ZBTB7C: variants seen among roughly 807,000 people sequenced by gnomAD.
The protein encoded by ZBTB7C is zinc finger and BTB domain containing 7C, also known as zinc finger and BTB domain-containing protein 7C.
A neutral mutation model predicts 25.7 loss-of-function variants in ZBTB7C; 8 were observed. The observed-to-expected ratio is 0.31, with a 90% CI of 0.18 to 0.56. The LOEUF (loss-of-function observed/expected upper bound fraction) is 0.56. ZBTB7C is among the 20% of genes least tolerant of loss of function. ZBTB7C has a pLI of 0.91. For synonymous variants in ZBTB7C, 394 were observed against 369.0 expected (o/e 1.07, Z -0.78); for missense variants, 824 against 855.2 (o/e 0.96, Z 0.46).
Position 48,209,232 on chromosome 18 carries a change from G to A in ZBTB7C, c.-78-23237C>T, listed in dbSNP as rs1319335447. Among the ~76,000 whole-genome samples the A allele has an allele frequency of 2.0e-5, 3 of 152,204 alleles. No individual in the cohort carries two copies. In the East Asian group the frequency reaches 5.8e-4, roughly 29 times the overall value. The stretch of plus-strand genomic sequence containing the variant: ...CAACCCTCAGGCTCCAAACGGAAAT[G>A]TGCAGGTCAAAGGAGTCCAAAGAGG... On this transcript the variant is annotated intron_variant, in intron 2 of 4. Coordinates refer to ENST00000590800, the MANE Select transcript of ZBTB7C (RefSeq NM_001318841.2).
At chr18:48,289,337 G>A (rs543782599) in intron 2 of ZBTB7C, among the ~76,000 whole-genome samples, 1 of 152,216 alleles carries the variant, frequency 6.6e-6, no homozygotes, top group South Asian at 2.1e-4. Context: ...TAACACAAAA[G>A]AATCAGACAC....
chr18:48,215,716 G>A (rs537561460), intron 2 of ZBTB7C, among the ~76,000 whole-genome samples: 166 of 152,280 alleles, frequency 1.1e-3, no homozygotes, highest in Middle Eastern at 6.8e-3. Flanking sequence ...CCTTTAAAAG[G>A]TGCTGGTCTC....
chr18:48,242,421 G>A (rs9946795), intron 2 of ZBTB7C, among the ~76,000 whole-genome samples: 13,192 of 152,154 alleles, frequency 0.087, 606 homozygotes, highest in South Asian at 0.12. Context: ...CAATATCTCA[G>A]ATTAATATAG....
intron 1 of ZBTB7C, among the ~76,000 whole-genome samples, chr18:48,386,438 TGA>T (rs372796833): frequency 0.29 from 43,732 of 152,054 alleles, 7,569 homozygotes; most frequent in East Asian, 0.72. Flanking sequence ...CCCTAGACAG[TGA>T]GTGGATGTCA....
At chr18:48,092,964 A>C (rs1336477666) in intron 3 of ZBTB7C, among the ~76,000 whole-genome samples, 3 of 152,216 alleles carry the variant, frequency 2.0e-5, no homozygotes, top group African/African-American at 7.2e-5. Flanking sequence ...CTAAACACTG[A>C]GGATGGAGGC....
intron 3 of ZBTB7C, among the ~76,000 whole-genome samples, chr18:48,171,493 C>G (rs1213227555): frequency 6.6e-6 from 1 of 152,240 alleles, no homozygotes; most frequent in South Asian, 2.1e-4. Context: ...ATCTCAGCAA[C>G]TATGCGGCTG....
rs182196301 is a variant in ZBTB7C, at chr18:48,086,594, C to T, written c.-16-45471G>A. Among the ~76,000 whole-genome samples the T allele has an allele frequency of 1.1e-3, 169 of 152,346 alleles. 1 individual carries two copies. The highest frequency in any genetic ancestry group is 3.8e-3 in the African/African-American group (156 of 41,578). On this transcript the variant is annotated intron_variant, in intron 3 of 4. Coordinates refer to ENST00000590800, the MANE Select transcript of ZBTB7C (RefSeq NM_001318841.2). ...CTCATCCACCACAATGGAACCCACA[C>T]TTCAGGGTTCTCAGTAAAGAGTACC...
chr18:48,071,746 A>T (rs1187082427), intron 3 of ZBTB7C, among the ~76,000 whole-genome samples: 1 of 152,272 alleles, frequency 6.6e-6, no homozygotes, highest in Non-Finnish European at 1.5e-5. Flanking sequence ...ACCGAAGTCC[A>T]TCAGTGGATG....
chr18:48,110,040 G>C (rs2039179013), intron 3 of ZBTB7C, among the ~76,000 whole-genome samples: 1 of 143,272 alleles, frequency 7.0e-6, no homozygotes, highest in African/African-American at 2.8e-5. Context: ...GGGAGTGGTA[G>C]AGACCCAGGA....
At chr18:48,030,536 T>C (rs2035698502) in intron 4 of ZBTB7C, among the ~76,000 whole-genome samples, 1 of 152,194 alleles carries the variant, frequency 6.6e-6, no homozygotes, top group African/African-American at 2.4e-5. Flanking sequence ...TTTCAGGGTT[T>C]ACAAAAGAGC....
At chr18:48,307,715 G>A (rs1279668247) in intron 2 of ZBTB7C, among the ~76,000 whole-genome samples, 1 of 152,164 alleles carries the variant, frequency 6.6e-6, no homozygotes, top group Non-Finnish European at 1.5e-5. Flanking sequence ...GGGCGTGGTG[G>A]CAGGCACCTG....
At chr18:48,167,563 G>GGTGGGTGTGTGT (rs1555705398) in intron 3 of ZBTB7C, among the ~76,000 whole-genome samples, 2 of 142,484 alleles carry the variant, frequency 1.4e-5, no homozygotes, top group African/African-American at 5.3e-5. Flanking sequence ...GCATTGCTAG[G>GGTGGGTGTGTGT]GTGTGTGTGT....
chr18:48,040,292 C>T lies in ZBTB7C; in HGVS notation c.816G>A (p.Glu272=), dbSNP rs970501308. 1.3e-6 allele frequency: 2 copies of T among 1,574,150 alleles called. No homozygotes were observed. The highest frequency in any genetic ancestry group is 1.4e-5 in the African/African-American group (1 of 73,848). ...CCAGTGGCCCACTGTCCATGGGCTG[C>T]TCAGGCAGCTGGGCAAAGGCACCGA... ...GDFGAFAQLP[E]QPMDSGPLDL... The change falls in exon 4 of 5, where the codon GAG becomes GAA. Residue 272 remains glutamate (E), a synonymous_variant. Transcript: ENST00000590800.
chr18:48,039,859 C>A (rs1216810452), intron 4 of ZBTB7C, 41 bp downstream of exon 4: 3 of 1,597,976 alleles, frequency 1.9e-6, no homozygotes, highest in Non-Finnish European at 1.7e-6. Context: ...CCCCCATGGC[C>A]TCTGGCCCCG....
chr18:48,399,994 G>A (rs1469216448), intron 1 of ZBTB7C, among the ~76,000 whole-genome samples: 1 of 152,090 alleles, frequency 6.6e-6, no homozygotes, highest in Non-Finnish European at 1.5e-5. Context: ...TTCCTGTGCG[G>A]CCCCTCCCCT....
intron 2 of ZBTB7C, among the ~76,000 whole-genome samples, chr18:48,280,385 T>C (rs2044800836): frequency 1.3e-5 from 2 of 152,098 alleles, no homozygotes; most frequent in Non-Finnish European, 2.9e-5. Flanking sequence ...CATTGGTGTT[T>C]CTAAAAACAT....
At chr18:48,032,814 A>G (rs1360175912) in intron 4 of ZBTB7C, among the ~76,000 whole-genome samples, 1 of 152,104 alleles carries the variant, frequency 6.6e-6, no homozygotes, top group East Asian at 1.9e-4. Flanking sequence ...AATGGACAAT[A>G]TAAGTGGTAA....
At chr18:48,304,245 A>T (rs79055867) in intron 2 of ZBTB7C, among the ~76,000 whole-genome samples, 2 of 152,250 alleles carry the variant, frequency 1.3e-5, no homozygotes, top group Non-Finnish European at 2.9e-5. Context: ...CCCCAATCAC[A>T]AAACAGGGAT....
At chr18:48,382,854 C>T (rs1292076067) in intron 1 of ZBTB7C, among the ~76,000 whole-genome samples, 3 of 152,198 alleles carry the variant, frequency 2.0e-5, no homozygotes, top group East Asian at 3.8e-4. Flanking sequence ...AATGATAAAA[C>T]GTAAGCAGCT....
Sources: gnomAD v4.1 joint callset for allele counts (sites outside exome capture counted in the v4.1 genomes callset) on GRCh38, gnomAD v4.1.1 for gene constraint, MANE v1.5 for transcripts, NCBI Gene and HGNC (gene_info 2026-07-23, HGNC 2026-07-21) for gene names.